The following CACNA2D4 variants were observed in gnomAD, a reference collection of about 807,000 sequenced individuals.
CACNA2D4 encodes calcium voltage-gated channel auxiliary subunit alpha2delta 4.
CACNA2D4 carries 157 observed loss-of-function variants against 163.8 expected under a neutral mutation model. The observed-to-expected ratio is 0.96, with a 90% confidence interval of 0.84 to 1.09. The LOEUF is 1.09. Ranked by LOEUF, CACNA2D4 falls within the 50% of genes least tolerant of loss-of-function variation. The probability of loss-of-function intolerance (pLI) is 0.00; values close to 1 mark genes in which losing one functional copy is unlikely to be tolerated. For missense variants in CACNA2D4, 1,410 were observed against 1,479.9 expected (o/e 0.95, Z 0.78); for synonymous variants, 598 against 586.9 (o/e 1.02, Z -0.27).
intron 26 of CACNA2D4, chr12:1,830,817 G>A (rs965878166): frequency 2.5e-6 from 2 of 807,510 alleles, no homozygotes; most frequent in Non-Finnish European, 3.8e-6. Context: ...ATTGATTGTG[G>A]CTTGTGCCAA....
At chr12:1,901,309 A>T (rs1866531537) in intron 6 of CACNA2D4, among the ~76,000 whole-genome samples, 1 of 152,118 alleles carries the variant, frequency 6.6e-6, no homozygotes, top group Non-Finnish European at 1.5e-5. Flanking sequence ...AAAGCAAACC[A>T]AACCAAAAGT....
In CACNA2D4 at chr12:1,834,942, G is replaced by A. The variant is rs947474117; in HGVS notation, c.2551+5797C>T. The A allele has an allele frequency of 5.0e-6, 4 of 800,260 alleles. No homozygotes were observed. Among genetic ancestry groups the A allele is most frequent in the Non-Finnish European group, 7.5e-6 (4 of 531,998 alleles). The allele number at this position is 800,260 out of a possible 1,614,324, so 49.6% of individuals were successfully genotyped here. A position where few individuals can be genotyped will look rare whatever the true frequency, so the allele number is the denominator to read the frequency against. On this transcript the variant is annotated intron_variant, in intron 26 of 37. Transcript: ENST00000382722. This position sits in a 1 kb window ranked among gnomAD's most constrained non-coding sequence, Gnocchi z 7.6. ...CCTGCTGATGCTCCTGTCTGGGCCA[G>A]TAAATCTTTGGAACATGTGGGGGAT... is the stretch of plus-strand genomic sequence containing the variant.
intron 3 of CACNA2D4, 96 bp downstream of exon 3, chr12:1,912,927 G>C: frequency 4.1e-6 from 3 of 728,078 alleles, no homozygotes; most frequent in East Asian, 2.7e-5. Flanking sequence ...GGTCACGAGG[G>C]GGGAGGATGC....
Position 1,874,632 on chromosome 12 carries a change from A to G in CACNA2D4, c.1850T>C (p.Met617Thr), listed in dbSNP as rs1865847914. Residue 617 changes from methionine (M) to threonine (T), a missense_variant, in exon 18 of 38, where the codon ATG becomes ACG. Met to Thr is a moderately conservative substitution (Grantham distance 81, BLOSUM62 -1). Coordinates refer to ENST00000382722, the MANE Select transcript of CACNA2D4 (RefSeq NM_172364.5). This position sits in a 1 kb window ranked among gnomAD's most constrained non-coding sequence, Gnocchi z 4.4. ...TTTATCCATCGGAACCTTCACATCC[A>G]TCGAGAGAGTACCTGTTTCCCTATT... ...MINRETGTLS[M>T]DVKVPMDKGK... 1 of 1,613,128 alleles carries G rather than the reference A, an allele frequency of 6.2e-7. No homozygotes were observed. Among genetic ancestry groups the G allele is most frequent in the Non-Finnish European group, 8.5e-7 (1 of 1,179,308 alleles).
At chr12:1,896,250 C>T (rs1338272740) in intron 6 of CACNA2D4, among the ~76,000 whole-genome samples, 1 of 152,068 alleles carries the variant, frequency 6.6e-6, no homozygotes, top group Non-Finnish European at 1.5e-5. Flanking sequence ...CTCTATTAAG[C>T]TAAAAAGCTT....
chr12:1,810,493 C>T lies in CACNA2D4; in HGVS notation c.2658+50G>A, dbSNP rs752431247. 23 of 1,537,656 alleles carry T rather than the reference C, an allele frequency of 1.5e-5. No homozygotes were observed. The African/African-American group carries it at 1.8e-4, about 12-fold the overall frequency. On this transcript the variant is annotated intron_variant, in intron 28 of 37. Coordinates refer to ENST00000382722, the MANE Select transcript of CACNA2D4 (RefSeq NM_172364.5). ...AAGCTGGCCTGCCAGGAGGACCGGG[C>T]GGAGGGCCATGGCTCCCTCCTCCAC...
chr12:1,864,442 G>A (rs1423972482), intron 18 of CACNA2D4, among the ~76,000 whole-genome samples: 1 of 152,218 alleles, frequency 6.6e-6, no homozygotes, highest in African/African-American at 2.4e-5. Flanking sequence ...GCCGTGTATG[G>A]CAAATGCTGC....
chr12:1,908,030 T>C lies in CACNA2D4; in HGVS notation c.494A>G (p.Tyr165Cys), dbSNP rs1212756503. The C allele has an allele frequency of 5.6e-6, 9 of 1,612,224 alleles. No homozygotes were observed. Among genetic ancestry groups the C allele is most frequent in the Non-Finnish European group, 7.6e-6 (9 of 1,178,704 alleles). Residue 165 changes from tyrosine (Y) to cysteine (C), a missense_variant, in exon 5 of 38, where the codon TAT (tyrosine) becomes TGT (cysteine). Physicochemically the swap from Tyr to Cys is radical, Grantham distance 194. Transcript: ENST00000382722. ...CTCGTTGATCAGGACCGAGTTGTAA[T>C]AGTCGAACTGGGGTGGACGGGTGAG... ...HEFNESLVFD[Y>C]YNSVLINERD... is the part of the protein sequence containing the mutation.
At chr12:1,897,006 G>A (rs1344638461) in intron 6 of CACNA2D4, among the ~76,000 whole-genome samples, 1 of 152,172 alleles carries the variant, frequency 6.6e-6, no homozygotes, top group African/African-American at 2.4e-5. Context: ...ATGAACTGGA[G>A]GGTGTTAAGT....
intron 23 of CACNA2D4, 21 bp from the exon 24 acceptor site, chr12:1,846,710 G>A (rs749660804): frequency 1.3e-6 from 2 of 1,570,874 alleles, no homozygotes; most frequent in East Asian, 2.3e-5. Flanking sequence ...GACAGAGCGG[G>A]AATGGTCACC....
intron 30 of CACNA2D4, among the ~76,000 whole-genome samples, chr12:1,801,369 G>A (rs1423678073): frequency 1.3e-5 from 2 of 152,216 alleles, no homozygotes; most frequent in Non-Finnish European, 2.9e-5. Flanking sequence ...GAGCTGCGGA[G>A]CCCCTCCCAG....
At chr12:1,841,753 C>G (rs1272972118) in intron 25 of CACNA2D4, among the ~76,000 whole-genome samples, 1 of 152,186 alleles carries the variant, frequency 6.6e-6, no homozygotes, top group Non-Finnish European at 1.5e-5. Context: ...TCTTGTGTGG[C>G]GATTATGACA....
intron 26 of CACNA2D4, among the ~76,000 whole-genome samples, chr12:1,839,968 C>G (rs181143444): frequency 1.3e-5 from 2 of 152,198 alleles, no homozygotes; most frequent in East Asian, 1.9e-4. Context: ...AAAATAGGCA[C>G]TGACAGTAAT....
intron 25 of CACNA2D4, among the ~76,000 whole-genome samples, chr12:1,842,050 G>A (rs775029042): frequency 1.6e-4 from 25 of 152,126 alleles, no homozygotes; most frequent in African/African-American, 5.3e-4. Flanking sequence ...CAGACCTTCC[G>A]TCGCATTTGT....
intron 23 of CACNA2D4, among the ~76,000 whole-genome samples, chr12:1,848,270 C>T (rs954508546): frequency 2.0e-5 from 3 of 152,164 alleles, no homozygotes; most frequent in Non-Finnish European, 2.9e-5. Flanking sequence ...TCCTTGCAAT[C>T]GATGTGTGGA....
intron 26 of CACNA2D4, among the ~76,000 whole-genome samples, chr12:1,840,441 G>GA (rs1485111093): frequency 3.1e-5 from 3 of 97,396 alleles, no homozygotes; most frequent in East Asian, 5.2e-4. Context: ...TTATGTGGAA[G>GA]AGGGGGGTGG....
At position 1,795,661 on chromosome 12, in the gene CACNA2D4, AG is replaced by A. The variant is rs780138839; in HGVS notation, c.3226+6del. 9.5e-6 allele frequency: 15 copies of A among 1,571,956 alleles called. No homozygotes were observed. In the Admixed American group the frequency reaches 1.8e-4, roughly 19 times the overall value. ...CACCGCACACATCCCCGAGCATTGCAGGATATATTTGACTTCTGTCGCCTCC... is the reference window on the plus strand; with the variant it reads ...CACCGCACACATCCCCGAGCATTGCAGATATATTTGACTTCTGTCGCCTCC... On this transcript the variant is annotated splice_donor_region_variant and intron_variant, in intron 36 of 37. Transcript: ENST00000382722.
At position 1,878,888 on chromosome 12, in the gene CACNA2D4, C is replaced by A; in HGVS notation, c.1644+68G>T. ...GCTTGGCTTGCCTGGAGAGAGGCTCCCATCACGGGGGAGGGAGTTTGCTCC... is the reference window on the plus strand; with the variant it reads ...GCTTGGCTTGCCTGGAGAGAGGCTCACATCACGGGGGAGGGAGTTTGCTCC... On this transcript the variant is annotated intron_variant, in intron 15 of 37. Coordinates refer to ENST00000382722, the MANE Select transcript of CACNA2D4 (RefSeq NM_172364.5). This position sits in a 1 kb window ranked among gnomAD's most constrained non-coding sequence, Gnocchi z 4.6. 1.4e-6 allele frequency: 2 copies of A among 1,433,286 alleles called. No homozygotes were observed. The highest frequency in any genetic ancestry group is 2.3e-5 in the East Asian group (1 of 42,888). The allele number at this position is 1,433,286 out of a possible 1,614,324, so 88.8% of individuals were successfully genotyped here. A position where few individuals can be genotyped will look rare whatever the true frequency, so the allele number is the denominator to read the frequency against.
chr12:1,843,850 A>T lies in CACNA2D4; in HGVS notation c.2470+552T>A, dbSNP rs1592705508. Among the ~76,000 whole-genome samples, 1 of 151,892 alleles carries T rather than the reference A, an allele frequency of 6.6e-6. No individual in the cohort carries two copies. The highest frequency in any genetic ancestry group is 2.4e-5 in the African/African-American group (1 of 41,338). On this transcript the variant is annotated intron_variant, in intron 25 of 37. Transcript: ENST00000382722. The surrounding 1 kb of genome is among the most constrained non-coding windows in gnomAD (Gnocchi z 4.6). ...TGCCTCATACCCCACCCTCCCCACC[A>T]CCTGCCTGGCACAGCCTCTCTCTTG... is the stretch of plus-strand genomic sequence containing the variant.
Sources: allele counts gnomAD v4.1 joint callset (sites outside exome capture counted in the v4.1 genomes callset), GRCh38; gene constraint gnomAD v4.1.1; non-coding constraint Gnocchi (gnomAD v3.1); transcripts MANE v1.5; gene names NCBI Gene and HGNC (gene_info 2026-07-23, HGNC 2026-07-21).